C1QTNF3: variants seen among roughly 807,000 people sequenced by gnomAD.
C1QTNF3 encodes C1q and TNF related 3.
A neutral mutation model predicts 32.6 loss-of-function variants in C1QTNF3; 26 were observed. That is an observed-to-expected ratio of 0.80 (90% CI 0.58 to 1.11). The LOEUF is 1.11. Ranked by LOEUF, C1QTNF3 falls within the 50% of genes least tolerant of loss-of-function variation. The pLI, the probability that C1QTNF3 is intolerant of heterozygous loss-of-function variation, is 0.00. For synonymous variants in C1QTNF3, 155 were observed against 146.0 expected (o/e 1.06, Z -0.44); for missense variants, 362 against 398.2 (o/e 0.91, Z 0.77).
chr5:34,205,706 A>G, the C1QTNF3 span, among the ~76,000 whole-genome samples: 1 of 150,616 alleles, frequency 6.6e-6, no homozygotes, highest in African/African-American at 2.5e-5. Context: ...ACAATGGGAT[A>G]ATGGACTAAT....
At chr5:34,114,375 C>T in the C1QTNF3 span, among the ~76,000 whole-genome samples, 86 of 152,030 alleles carry the variant, frequency 5.7e-4, no homozygotes, top group African/African-American at 2.0e-3. Flanking sequence ...TATAAGCAAA[C>T]AAAAAAATCC....
At chr5:34,078,659 C>T in the C1QTNF3 span, among the ~76,000 whole-genome samples, 1 of 151,566 alleles carries the variant, frequency 6.6e-6, no homozygotes, top group African/African-American at 2.4e-5. The surrounding 1 kb of genome is among the most constrained non-coding windows in gnomAD (Gnocchi z 4.0). Flanking sequence ...CACAGACGCA[C>T]CATATCACCA....
chr5:34,139,305 T>C, the C1QTNF3 span, among the ~76,000 whole-genome samples: 2 of 151,998 alleles, frequency 1.3e-5, no homozygotes, highest in African/African-American at 4.8e-5. Flanking sequence ...TAAAATATTA[T>C]AGAATATTAA....
the C1QTNF3 span, among the ~76,000 whole-genome samples, chr5:34,114,346 G>A: frequency 5.3e-5 from 8 of 152,060 alleles, no homozygotes; most frequent in South Asian, 1.2e-3. Flanking sequence ...CTAAATAACA[G>A]TCATAAATAT....
the C1QTNF3 span, among the ~76,000 whole-genome samples, chr5:34,048,813 G>A: frequency 2.7e-4 from 41 of 152,172 alleles, no homozygotes; most frequent in African/African-American, 9.4e-4. Flanking sequence ...CCAGGGCAGA[G>A]TTTTGAAGGG....
chr5:34,117,533 C>T, the C1QTNF3 span, among the ~76,000 whole-genome samples: 4 of 151,902 alleles, frequency 2.6e-5, no homozygotes, highest in East Asian at 3.9e-4. Flanking sequence ...TGGTGTCTCA[C>T]GCCTATAATC....
upstream of C1QTNF3, among the ~76,000 whole-genome samples, chr5:34,044,432 G>T (rs1754948469): frequency 6.6e-6 from 1 of 152,156 alleles, no homozygotes; most frequent in African/African-American, 2.4e-5. Context: ...AGGCACTGTG[G>T]GAAACTGAGG....
upstream of C1QTNF3, chr5:34,043,671 C>T (rs1754930855): frequency 6.5e-6 from 1 of 153,146 alleles, no homozygotes; most frequent in African/African-American, 2.4e-5. Context: ...CTTTGGCCCA[C>T]TTAAGGTAAC....
rs754006287 is a variant in C1QTNF3 at position 34,042,949 on chromosome 5, C to G, written c.177G>C (p.Glu59Asp). 9.9e-6 allele frequency: 16 copies of G among 1,614,114 alleles called. No individual in the cohort carries two copies. The African/African-American group carries it at 1.9e-4, about 19-fold the overall frequency. ...RSGSRREKVR[E>D]RSHPKTGTVD... ...CAGTCCCAGTTTTAGGATGGCTCCG[C>G]TCTCTCACTTTCTCCCTCCTGGAGC... Residue 59 changes from glutamate (E) to aspartate (D), a missense_variant, in exon 1 of 6, where the codon GAG (glutamate) becomes GAC (aspartate). Glu to Asp is a conservative substitution (Grantham distance 45). Transcript: ENST00000382065.
chr5:34,030,316 A>G (rs528027308), intron 3 of C1QTNF3, among the ~76,000 whole-genome samples: 15 of 152,356 alleles, frequency 9.8e-5, no homozygotes, highest in East Asian at 1.9e-4. Context: ...AGCAAAGAGA[A>G]TTAACTTGAG....
the C1QTNF3 span, among the ~76,000 whole-genome samples, chr5:34,215,754 A>C: frequency 2.6e-5 from 4 of 152,264 alleles, no homozygotes; most frequent in East Asian, 7.7e-4. Context: ...CACTTCAGCC[A>C]CCTGAGTAGC....
the C1QTNF3 span, among the ~76,000 whole-genome samples, chr5:34,237,279 G>A: frequency 3.3e-5 from 5 of 152,082 alleles, no homozygotes; most frequent in Non-Finnish European, 7.4e-5. Context: ...ATTTTCACAC[G>A]TAACACCCTC....
the C1QTNF3 span, among the ~76,000 whole-genome samples, chr5:34,157,139 CA>C: frequency 2.6e-5 from 4 of 152,170 alleles, no homozygotes; most frequent in African/African-American, 9.7e-5. Context: ...CGGCAAATTT[CA>C]TATGAATGTC....
the C1QTNF3 span, among the ~76,000 whole-genome samples, chr5:34,107,412 C>T: frequency 3.4e-4 from 51 of 151,152 alleles, no homozygotes; most frequent in African/African-American, 1.2e-3. Flanking sequence ...AATCATAAGC[C>T]CCCATGATAA....
chr5:34,119,787 T>A, the C1QTNF3 span, among the ~76,000 whole-genome samples: 2 of 152,112 alleles, frequency 1.3e-5, no homozygotes, highest in African/African-American at 4.8e-5. Flanking sequence ...TGATACTAAC[T>A]CCCCTAACTC....
chr5:34,117,534 G>A, the C1QTNF3 span, among the ~76,000 whole-genome samples: 15 of 151,798 alleles, frequency 9.9e-5, no homozygotes, highest in Middle Eastern at 3.4e-3. Context: ...GGTGTCTCAC[G>A]CCTATAATCC....
chr5:34,076,065 G>A, the C1QTNF3 span, among the ~76,000 whole-genome samples: 1 of 151,692 alleles, frequency 6.6e-6, no homozygotes, highest in Non-Finnish European at 1.5e-5. Flanking sequence ...GGTAGCTAGA[G>A]TCATCAGAAT....
Position 34,028,742 on chromosome 5 carries a change from T to A in C1QTNF3, c.700+12A>T. ...TGATTAACTCAATCTTCATCCTATGTTTCCATCTCACCTGATACTGGGGCC... is the reference window on the plus strand; with the variant it reads ...TGATTAACTCAATCTTCATCCTATGATTCCATCTCACCTGATACTGGGGCC... On this transcript the variant is annotated intron_variant, in intron 4 of 5. Transcript: ENST00000382065. 1 of 1,599,328 alleles carries A rather than the reference T, an allele frequency of 6.3e-7. No individual in the cohort carries two copies. The highest frequency in any genetic ancestry group is 8.5e-7 in the Non-Finnish European group (1 of 1,172,646).
chr5:34,145,678 C>CAAAAAAAAAAAAAAAAAAAAAAAAAAA, the C1QTNF3 span, among the ~76,000 whole-genome samples: 1 of 96,944 alleles, frequency 1.0e-5, no homozygotes, highest in Non-Finnish European at 2.1e-5. Context: ...AGAGACACAG[C>CAAAAAAAAAAAAAAAAAAAAAAAAAAA]AAAAAAAAAA....
Sources: gnomAD v4.1 joint callset for allele counts (sites outside exome capture counted in the v4.1 genomes callset) on GRCh38, gnomAD v4.1.1 for gene constraint, Gnocchi (gnomAD v3.1) non-coding constraint, MANE v1.5 for transcripts, NCBI Gene and HGNC (gene_info 2026-07-23, HGNC 2026-07-21) for gene names.